The following USP10 variants were observed in gnomAD, a reference collection of about 807,000 sequenced individuals.
The protein encoded by USP10 is ubiquitin specific peptidase 10.
USP10 carries 22 observed loss-of-function variants against 84.5 expected under a neutral mutation model. The ratio of observed to expected loss-of-function variants is 0.26; its 90% confidence interval spans 0.19 to 0.37. The LOEUF is 0.37. USP10 is among the 10% of genes least tolerant of loss of function. The pLI, the probability that USP10 is intolerant of heterozygous loss-of-function variation, is 1.00. For synonymous variants in USP10, 454 were observed against 387.6 expected (o/e 1.17, Z -2.01); for missense variants, 1,019 against 998.9 (o/e 1.02, Z -0.27).
At chr16:84,728,442 C>T (rs1039551680) in intron 1 of USP10, among the ~76,000 whole-genome samples, 3 of 151,736 alleles carry the variant, frequency 2.0e-5, no homozygotes, top group African/African-American at 4.8e-5. Context: ...CCGGTTCAAG[C>T]GATTCCCCTG....
chr16:84,754,931 A>G (rs931509525), intron 4 of USP10, among the ~76,000 whole-genome samples: 2 of 151,758 alleles, frequency 1.3e-5, no homozygotes, highest in Non-Finnish European at 2.9e-5. Context: ...GCTTGAGGCC[A>G]GGAGTTCGAG....
At chr16:84,756,946 C>T (rs994110710) in intron 4 of USP10, among the ~76,000 whole-genome samples, 7 of 152,116 alleles carry the variant, frequency 4.6e-5, no homozygotes, top group Non-Finnish European at 1.0e-4. Context: ...AGTGAAGCCC[C>T]TTATATATTG....
At chr16:84,766,959 G>A (rs145069774) in intron 10 of USP10, among the ~76,000 whole-genome samples, 5 of 151,822 alleles carry the variant, frequency 3.3e-5, no homozygotes, top group African/African-American at 7.3e-5. Flanking sequence ...TTTCTTCCCC[G>A]GTGCCACCTT....
In USP10 at chr16:84,756,513, A is replaced by C. The variant is rs373943132; in HGVS notation, c.1193-2203A>C. ...GAGGCTGAGGCAGGAAAATCACTTG[A>C]ACCCAGGACACAGAGGTTGCAGTGA... On this transcript the variant is annotated intron_variant, in intron 4 of 13. Transcript: ENST00000219473. Among the ~76,000 whole-genome samples the C allele has an allele frequency of 1.3e-3, 196 of 152,282 alleles. 2 individuals carry two copies. The highest frequency in any genetic ancestry group is 4.5e-3 in the African/African-American group (186 of 41,558).
chr16:84,745,144 C>G lies in USP10; in HGVS notation c.663C>G (p.Asp221Glu). The G allele has an allele frequency of 1.2e-6, 2 of 1,613,548 alleles. No individual in the cohort carries two copies. The highest frequency in any genetic ancestry group is 1.7e-6 in the Non-Finnish European group (2 of 1,179,692). ...AGAACTCCACAGACTCTGTCAGTGA[C>G]ATTGTGCCTGACAGTCCTTTCCCCG... ...SPQNSTDSVSDIVPDSPFPGA... is the reference protein window; with the variant it reads ...SPQNSTDSVSEIVPDSPFPGA... The change falls in exon 4 of 14, where the codon GAC becomes GAG. Residue 221 changes from aspartate (D) to glutamate (E), a missense_variant. By Grantham distance (45) the Asp-to-Glu change is conservative (BLOSUM62 2). Around this residue, in one of 2 missense-constraint regions of USP10, gnomAD observed 787 missense variants for 708.8 expected, o/e 1.11. Transcript: ENST00000219473.
Position 84,721,791 on chromosome 16 carries a change from G to A in USP10, c.22-11644G>A, listed in dbSNP as rs374079363. On this transcript the variant is annotated intron_variant, in intron 1 of 13. Coordinates refer to ENST00000219473, the MANE Select transcript of USP10 (RefSeq NM_005153.3). Reference sequence around the variant, plus strand: ...CAGCTCACTGCAACCTCCGCCTCCCGGGTTCAAGCAATTCTCCTGCCTCAG... The same window carrying A: ...CAGCTCACTGCAACCTCCGCCTCCCAGGTTCAAGCAATTCTCCTGCCTCAG... Among the ~76,000 whole-genome samples, 115 of 152,274 alleles carry A rather than the reference G, an allele frequency of 7.6e-4. 3 individuals carry two copies. The South Asian group carries it at 0.023, about 31-fold the overall frequency.
intron 1 of USP10, among the ~76,000 whole-genome samples, chr16:84,715,648 A>T (rs541266962): frequency 3.3e-5 from 5 of 150,890 alleles, no homozygotes; most frequent in East Asian, 2.0e-4. Flanking sequence ...TTTTTTTTTT[A>T]AAAAAACAAA....
rs574575542 is a variant in USP10 at position 84,775,033 on chromosome 16, A to T, written c.2144-127A>T. On this transcript the variant is annotated intron_variant, in intron 12 of 13. Coordinates refer to ENST00000219473, the MANE Select transcript of USP10 (RefSeq NM_005153.3). ...AATTTTTGTGCAACTGAAGGGATAG[A>T]GTGTTGTTTTGTTCCTGGTCTGACA... is the stretch of plus-strand genomic sequence containing the variant. The T allele has an allele frequency of 3.9e-6, 3 of 774,552 alleles. No homozygotes were observed. In the East Asian group the frequency reaches 8.0e-5, roughly 21 times the overall value. The allele number at this position is 774,552 out of a possible 1,614,324, so 48.0% of individuals were successfully genotyped here.
intron 4 of USP10, among the ~76,000 whole-genome samples, chr16:84,748,677 C>G (rs986498623): frequency 3.3e-5 from 5 of 152,148 alleles, no homozygotes; most frequent in African/African-American, 1.2e-4. Context: ...TTTTCTCTAT[C>G]TTTATTTAAA....
At chr16:84,732,888 G>T (rs975712040) in intron 1 of USP10, among the ~76,000 whole-genome samples, 2 of 152,190 alleles carry the variant, frequency 1.3e-5, no homozygotes, top group Admixed American at 1.3e-4. Context: ...AACAAGGGCT[G>T]TGTCTGTCTG....
intron 1 of USP10, among the ~76,000 whole-genome samples, chr16:84,722,986 A>G (rs909844944): frequency 2.6e-5 from 4 of 152,202 alleles, no homozygotes; most frequent in African/African-American, 9.7e-5. Flanking sequence ...GTGCCCAGAA[A>G]GACAGTTTGA....
intron 1 of USP10, among the ~76,000 whole-genome samples, chr16:84,707,903 ACT>A (rs1447176140): frequency 6.6e-6 from 1 of 151,446 alleles, no homozygotes; most frequent in African/African-American, 2.4e-5. Context: ...ACGTAGCAAA[ACT>A]CTTTCTCTAC....
intron 1 of USP10, among the ~76,000 whole-genome samples, chr16:84,721,036 G>A (rs1486104385): frequency 6.6e-6 from 1 of 151,710 alleles, no homozygotes; most frequent in Non-Finnish European, 1.5e-5. Flanking sequence ...CGGGAGTACA[G>A]GTGCCCGCCA....
At chr16:84,754,470 C>A (rs1360212086) in intron 4 of USP10, among the ~76,000 whole-genome samples, 1 of 152,172 alleles carries the variant, frequency 6.6e-6, no homozygotes, top group Non-Finnish European at 1.5e-5. Context: ...TTTCCTAGTA[C>A]ACGTCCCAAG....
At chr16:84,775,111 C>T (rs1914860769) in intron 12 of USP10, 49 bp from the exon 13 acceptor site, 1 of 1,560,638 alleles carries the variant, frequency 6.4e-7, no homozygotes, top group Non-Finnish European at 8.8e-7. Flanking sequence ...CTGCTGTTAC[C>T]CTGAACCTTT....
At chr16:84,774,616 G>A (rs753187888) in intron 12 of USP10, among the ~76,000 whole-genome samples, 6 of 151,976 alleles carry the variant, frequency 3.9e-5, no homozygotes, top group African/African-American at 7.3e-5. Context: ...GACTACAGCC[G>A]CGTGCCACCA....
At chr16:84,720,772 C>T (rs548530464) in intron 1 of USP10, among the ~76,000 whole-genome samples, 8 of 150,332 alleles carry the variant, frequency 5.3e-5, no homozygotes, top group Admixed American at 5.3e-4. Flanking sequence ...TTAATAGAGA[C>T]GGGGTTTCAC....
In USP10 at chr16:84,763,032, A is replaced by G. The variant is rs757012164; in HGVS notation, c.1598A>G (p.Asn533Ser). 6.2e-7 allele frequency: 1 copy of G among 1,612,880 alleles called. No individual in the cohort carries two copies. The highest frequency in any genetic ancestry group is 8.5e-7 in the Non-Finnish European group (1 of 1,179,112). Residue 533 changes from asparagine to serine, a missense_variant, in exon 9 of 14, where the codon AAT (asparagine) becomes AGT (serine). Around this residue, in one of 2 missense-constraint regions of USP10, gnomAD observed 787 missense variants for 708.8 expected, o/e 1.11. Transcript: ENST00000219473. ...DAEEYLGFIL[N>S]GLHEEMLNLK... is the part of the protein sequence containing the mutation. Reference sequence around the variant, plus strand: ...GAGGAATACTTAGGCTTCATTCTAAATGGACTTCATGAGGAAATGTTGAAC... The same window carrying G: ...GAGGAATACTTAGGCTTCATTCTAAGTGGACTTCATGAGGAAATGTTGAAC...
intron 2 of USP10, among the ~76,000 whole-genome samples, chr16:84,735,492 C>T (rs1279783280): frequency 6.6e-6 from 1 of 152,124 alleles, no homozygotes; most frequent in Admixed American, 6.5e-5. Flanking sequence ...TGGGCACGTT[C>T]TTTCCTTTTG....
Sources: allele counts gnomAD v4.1 joint callset (sites outside exome capture counted in the v4.1 genomes callset), GRCh38; gene constraint gnomAD v4.1.1; regional missense constraint gnomAD v4.1.1; transcripts MANE v1.5; gene names NCBI Gene and HGNC (gene_info 2026-07-23, HGNC 2026-07-21).